The following TBC1D19 variants were observed in gnomAD, a reference collection of about 807,000 sequenced individuals.
TBC1D19 encodes the protein TBC1 domain family, member 19.
A neutral mutation model predicts 89.0 loss-of-function variants in TBC1D19; 60 were observed. The observed-to-expected ratio is 0.67, with a 90% confidence interval of 0.55 to 0.84. The LOEUF is 0.84. Ranked by LOEUF, TBC1D19 falls within the 40% of genes least tolerant of loss-of-function variation. TBC1D19 has a pLI of 0.00. For missense variants in TBC1D19, 500 were observed against 610.8 expected (o/e 0.82, Z 1.91); for synonymous variants, 189 against 199.7 (o/e 0.95, Z 0.45).
the TBC1D19 span, among the ~76,000 whole-genome samples, chr4:26,772,451 G>A: frequency 8.6e-5 from 13 of 151,678 alleles, no homozygotes; most frequent in African/African-American, 3.1e-4. Context: ...GGGTGGGGGG[G>A]AGCCATCTTT....
At chr4:26,806,203 A>G in the TBC1D19 span, among the ~76,000 whole-genome samples, 1 of 151,948 alleles carries the variant, frequency 6.6e-6, no homozygotes, top group Non-Finnish European at 1.5e-5. Context: ...CAGCCTTCCT[A>G]TAGTTGCTGT....
intron 7 of TBC1D19, among the ~76,000 whole-genome samples, chr4:26,649,184 T>C (rs903459870): frequency 5.3e-5 from 8 of 152,216 alleles, no homozygotes; most frequent in South Asian, 4.2e-4. Context: ...ATATTTATAG[T>C]GTCAATATAG....
the TBC1D19 span, among the ~76,000 whole-genome samples, chr4:26,807,240 C>T: frequency 2.0e-5 from 3 of 152,084 alleles, no homozygotes; most frequent in Non-Finnish European, 4.4e-5. Context: ...GACCGGTATC[C>T]GACCTGACTC....
At chr4:26,793,541 A>G in the TBC1D19 span, among the ~76,000 whole-genome samples, 1 of 151,996 alleles carries the variant, frequency 6.6e-6, no homozygotes, top group Admixed American at 6.6e-5. Context: ...CCTGGCCAAC[A>G]TGGAAACTCC....
At chr4:26,669,283 T>A (rs747819974) in intron 9 of TBC1D19, among the ~76,000 whole-genome samples, 1 of 151,840 alleles carries the variant, frequency 6.6e-6, no homozygotes, top group Non-Finnish European at 1.5e-5. Context: ...GAGAATCTTG[T>A]TGTCAAATAG....
chr4:26,658,993 G>A (rs148750259), intron 7 of TBC1D19, among the ~76,000 whole-genome samples: 1,579 of 152,150 alleles, frequency 0.01, 32 homozygotes, highest in Non-Finnish European at 0.011. Context: ...GGCTGAGACG[G>A]TGGGGTTTTC....
At chr4:26,740,871 T>G (rs1718327040) in intron 17 of TBC1D19, 1 of 985,260 alleles carries the variant, frequency 1.0e-6, no homozygotes, top group Non-Finnish European at 1.2e-6. Flanking sequence ...CCTTCCTCCA[T>G]CTCCAGTTTT....
At chr4:26,718,565 A>T (rs1044885324) in intron 14 of TBC1D19, among the ~76,000 whole-genome samples, 2 of 152,088 alleles carry the variant, frequency 1.3e-5, no homozygotes, top group African/African-American at 4.8e-5. Context: ...TGAACACCCA[A>T]CACTGAAAGC....
chr4:26,677,058 G>T (rs1048350462), intron 11 of TBC1D19, among the ~76,000 whole-genome samples: 5 of 152,078 alleles, frequency 3.3e-5, no homozygotes, highest in African/African-American at 1.2e-4. Flanking sequence ...TCAAATTCAA[G>T]ATGTCAACAC....
chr4:26,641,248 G>A (rs896746421), intron 7 of TBC1D19, among the ~76,000 whole-genome samples: 12 of 152,226 alleles, frequency 7.9e-5, no homozygotes, highest in African/African-American at 2.7e-4. Flanking sequence ...AATATTTGCT[G>A]TTCTGCAGCC....
At chr4:26,858,648 T>C in the TBC1D19 span, 4 of 152,404 alleles carry the variant, frequency 2.6e-5, no homozygotes, top group African/African-American at 9.6e-5. Flanking sequence ...CGTACCTCTC[T>C]CTGTTCAGCA....
At chr4:26,579,887 G>A (rs555349394), upstream of TBC1D19, among the ~76,000 whole-genome samples, 102 of 152,286 alleles carry the variant, frequency 6.7e-4, no homozygotes, top group Middle Eastern at 3.4e-3. Flanking sequence ...AGACTGCGGC[G>A]ATAAGCCAGG....
At chr4:26,708,554 C>T (rs1262457097) in intron 13 of TBC1D19, among the ~76,000 whole-genome samples, 1 of 151,968 alleles carries the variant, frequency 6.6e-6, no homozygotes, top group Non-Finnish European at 1.5e-5. Flanking sequence ...TTCAAATATT[C>T]TCTCTACCCC....
At chr4:26,633,226 C>G (rs139403865) in intron 4 of TBC1D19, among the ~76,000 whole-genome samples, 1 of 152,180 alleles carries the variant, frequency 6.6e-6, no homozygotes, top group East Asian at 1.9e-4. Flanking sequence ...TTGGGTTTCT[C>G]TTCCATAGCA....
intron 1 of TBC1D19, chr4:26,576,823 T>C (rs1174461861): frequency 2.2e-6 from 1 of 456,258 alleles, no homozygotes; most frequent in Admixed American, 2.3e-5. Context: ...GGGCCAGGTA[T>C]GACCAGGTAA....
intron 8 of TBC1D19, chr4:26,662,847 T>C (rs1745301169): frequency 6.6e-6 from 1 of 152,166 alleles, no homozygotes; most frequent in Admixed American, 6.5e-5. Flanking sequence ...TGATCTAAAA[T>C]ATTTACTCTT....
the TBC1D19 span, among the ~76,000 whole-genome samples, chr4:26,846,572 G>A: frequency 1.2e-3 from 176 of 152,022 alleles, 1 homozygote; most frequent in Non-Finnish European, 1.9e-3. Flanking sequence ...TTTTGATATG[G>A]ATAATGTTTT....
chr4:26,671,816 GA>G (rs1712335448), intron 9 of TBC1D19, among the ~76,000 whole-genome samples: 2 of 151,832 alleles, frequency 1.3e-5, no homozygotes, highest in Admixed American at 1.3e-4. Context: ...TTAACAAAGG[GA>G]AAATTCATTC....
chr4:26,675,105 G>A (rs981009065), intron 11 of TBC1D19, among the ~76,000 whole-genome samples: 1 of 151,978 alleles, frequency 6.6e-6, no homozygotes, highest in Admixed American at 6.6e-5. Flanking sequence ...ATAGTTTTGA[G>A]TATATATTGG....
Sources: allele counts gnomAD v4.1 joint callset (sites outside exome capture counted in the v4.1 genomes callset), GRCh38; gene constraint gnomAD v4.1.1; transcripts MANE v1.5; gene names NCBI Gene and HGNC (gene_info 2026-07-23, HGNC 2026-07-21).